The following ANO8 variants were observed in gnomAD, a reference collection of about 807,000 sequenced individuals.
ANO8 encodes anoctamin 8.
ANO8 carries 67 observed loss-of-function variants against 120.4 expected under a neutral mutation model. That is an observed-to-expected ratio of 0.56 (90% CI 0.46 to 0.68). ANO8 has a LOEUF of 0.68. Ranked by LOEUF, ANO8 falls within the 30% of genes least tolerant of loss-of-function variation. ANO8 has a pLI of 0.00. For missense variants in ANO8, 1,526 were observed against 1,737.6 expected (o/e 0.88, Z 2.16); for synonymous variants, 727 against 759.2 (o/e 0.96, Z 0.70).
chr19:17,332,958 G>A lies in ANO8; in HGVS notation c.558C>T (p.Asn186=). ...TTGGCTGGTCCTCCAGGAAGCGCAC[G>A]TTGTGGAGTGCTTCTCCCTGCTTGG... ...LRAKQGEALH[N]VRFLEDQPII... The change falls in exon 5 of 18, where the codon AAC becomes AAT. Residue 186 remains asparagine, a synonymous_variant. Coordinates refer to ENST00000159087, the MANE Select transcript of ANO8 (RefSeq NM_020959.3). The A allele has an allele frequency of 1.2e-6, 2 of 1,614,158 alleles. No homozygotes were observed. The highest frequency in any genetic ancestry group is 1.7e-6 in the Non-Finnish European group (2 of 1,180,038).
In ANO8 at chr19:17,327,312, C is replaced by G. The variant is rs2074279048; in HGVS notation, c.2584G>C (p.Val862Leu). The G allele has an allele frequency of 6.5e-7, 1 of 1,550,018 alleles. No individual in the cohort carries two copies. The highest frequency in any genetic ancestry group is 8.7e-7 in the Non-Finnish European group (1 of 1,146,820). ...CAGCCCGGGATATCGGGGATGGCCA[C>G]GTGGATGAGGTACTTGAGGAGCAGA... Reference protein sequence around the residue: ...FALLLKYLIHVAIPDIPGWVA... With the variant: ...FALLLKYLIHLAIPDIPGWVA... The change falls in exon 16 of 18, where the codon GTG becomes CTG. Residue 862 changes from valine (V) to leucine (L), a missense_variant. Around this residue, in one of 8 missense-constraint regions of ANO8, gnomAD observed 489 missense variants for 548.6 expected, o/e 0.89. Transcript: ENST00000159087.
At chr19:17,325,737 G>A (rs2074269998) in intron 16 of ANO8, among the ~76,000 whole-genome samples, 1 of 152,206 alleles carries the variant, frequency 6.6e-6, no homozygotes, top group Non-Finnish European at 1.5e-5. Flanking sequence ...AGACCAGCCT[G>A]GACAAAATGG....
At chr19:17,329,870 C>A (rs2074303865) in intron 11 of ANO8, 39 bp from the exon 12 acceptor site, 2 of 1,613,346 alleles carry the variant, frequency 1.2e-6, no homozygotes. Context: ...CCTGCACCCC[C>A]ACCCGACTCC....
chr19:17,331,556 TAGA>T (rs2074318345), intron 5 of ANO8, 145 bp from the exon 6 acceptor site: 1 of 686,386 alleles, frequency 1.5e-6, no homozygotes, highest in East Asian at 2.7e-5. Context: ...TCTAGACGGA[TAGA>T]AGATCTGATT....
intron 13 of ANO8, 41 bp downstream of exon 13, chr19:17,328,121 G>GGCGAGGCCTCGCCCCCT: frequency 7.0e-7 from 1 of 1,436,414 alleles, no homozygotes; most frequent in Non-Finnish European, 9.3e-7. Context: ...TCCCGTCCCC[G>GGCGAGGCCTCGCCCCCT]GCGAGGCCCC....
Position 17,330,139 on chromosome 19 carries a change from C to A in ANO8, c.1259G>T (p.Trp420Leu). ...SAEGYKKLAI[W>L]LNDMENYRLE... Reference sequence around the variant, plus strand: ...GCAGGTCGTACCCATGTCATTGAGCCAGATGGCTAGCTTCTTGTAGCCCTC... The same window carrying A: ...GCAGGTCGTACCCATGTCATTGAGCAAGATGGCTAGCTTCTTGTAGCCCTC... The change falls in exon 10 of 18, where the codon TGG (tryptophan) becomes TTG (leucine). Residue 420 changes from tryptophan (W) to leucine (L), a missense_variant. Coordinates refer to ENST00000159087, the MANE Select transcript of ANO8 (RefSeq NM_020959.3). The A allele has an allele frequency of 6.2e-7, 1 of 1,614,092 alleles. No individual in the cohort carries two copies. Among genetic ancestry groups the A allele is most frequent in the South Asian group, 1.1e-5 (1 of 91,080 alleles).
chr19:17,327,833 A>C lies in ANO8; in HGVS notation c.2274T>G (p.Val758=). 2 of 1,614,100 alleles carry C rather than the reference A, an allele frequency of 1.2e-6. No individual in the cohort carries two copies. The highest frequency in any genetic ancestry group is 1.7e-6 in the Non-Finnish European group (2 of 1,179,978). The part of the protein sequence containing the change: ...YQEMFVQFGY[V]VLFSSAFPLA... ...GGGGGAAGGCGGACGAGAAGAGCAC[A>C]ACGTAGCCGAACTGCACGAACATCT... is the stretch of plus-strand genomic sequence containing the variant. Residue 758 remains valine (V), a synonymous_variant, in exon 14 of 18, where the codon GTT becomes GTG. Coordinates refer to ENST00000159087, the MANE Select transcript of ANO8 (RefSeq NM_020959.3).
chr19:17,333,679 G>A lies in ANO8; in HGVS notation c.217+11C>T, dbSNP rs1461304229. ...TGGGCACTGGGCGGGCGGGCGGGCG[G>A]GCTTGGGTACCTGGGAAGGTCATCA... On this transcript the variant is annotated intron_variant, in intron 2 of 17. Coordinates refer to ENST00000159087, the MANE Select transcript of ANO8 (RefSeq NM_020959.3). The surrounding 1 kb of genome is among the most constrained non-coding windows in gnomAD (Gnocchi z 7.2). 7.6e-7 allele frequency: 1 copy of A among 1,314,686 alleles called. No homozygotes were observed. The highest frequency in any genetic ancestry group is 1.0e-6 in the Non-Finnish European group (1 of 958,336). The allele number at this position is 1,314,686 out of a possible 1,614,324, so 81.4% of individuals were successfully genotyped here. A position where few individuals can be genotyped will look rare whatever the true frequency, so the allele number is the denominator to read the frequency against.
Position 17,324,957 on chromosome 19 carries a change from TGAG to T in ANO8, c.3088_3090del (p.Leu1030del). Reference sequence around the variant, plus strand: ...GAGTCCCGCCGGGTCTCGGGTGACTTGAGGAACTTGAAGCTGAGGAAGGCAGGC... The same window carrying T: ...GAGTCCCGCCGGGTCTCGGGTGACTTGAACTTGAAGCTGAGGAAGGCAGGC... On this transcript the variant is annotated inframe_deletion, in exon 17 of 18. Coordinates refer to ENST00000159087, the MANE Select transcript of ANO8 (RefSeq NM_020959.3). The T allele has an allele frequency of 1.9e-6, 3 of 1,613,078 alleles. No individual in the cohort carries two copies. The highest frequency in any genetic ancestry group is 2.5e-6 in the Non-Finnish European group (3 of 1,179,894).
chr19:17,331,925 G>T (rs191018572), intron 5 of ANO8, among the ~76,000 whole-genome samples: 1 of 132,184 alleles, frequency 7.6e-6, no homozygotes, highest in African/African-American at 2.9e-5. Context: ...GAGCCACCGC[G>T]CCCGGCTTTT....
rs2074252333 is a variant in ANO8 at position 17,323,599 on chromosome 19, G to A, written c.3617C>T (p.Ser1206Leu). 1.6e-6 allele frequency: 2 copies of A among 1,266,836 alleles called. No individual in the cohort carries two copies. The highest frequency in any genetic ancestry group is 3.2e-5 in the Admixed American group (1 of 31,226). The allele number at this position is 1,266,836 out of a possible 1,614,324, so 78.5% of individuals were successfully genotyped here. A position where few individuals can be genotyped will look rare whatever the true frequency, so the allele number is the denominator to read the frequency against. Residue 1206 changes from serine (S) to leucine (L), a missense_variant, in exon 18 of 18, where the codon TCG (serine) becomes TTG (leucine). Around this residue, in one of 8 missense-constraint regions of ANO8, gnomAD observed 489 missense variants for 548.6 expected, o/e 0.89. Coordinates refer to ENST00000159087, the MANE Select transcript of ANO8 (RefSeq NM_020959.3). ...GGGCGCTGGGGTCTCGAGGGGATCC[G>A]AGGTGGGCGGTAGCGGTGGGGGCGG... Reference protein sequence around the residue: ...SLPPPPLPPTSDPLETPAPSP... With the variant: ...SLPPPPLPPTLDPLETPAPSP...
In ANO8 at chr19:17,328,183, C is replaced by T. The variant is rs200209917; in HGVS notation, c.2205G>A (p.Glu735=). The change falls in exon 13 of 18, where the codon GAG becomes GAA. Residue 735 remains glutamate (E), a synonymous_variant. Transcript: ENST00000159087. ...TCACCTCGTACTTCTTCATACAGCT[C>T]TCCAGCTCTGCCTGGGTGAGCTGGG... The part of the protein sequence containing the change: ...HSPQLTQAEL[E]SCMKKYEDTF... 1.9e-5 allele frequency: 29 copies of T among 1,563,068 alleles called. No individual in the cohort carries two copies. In the East Asian group the frequency reaches 6.3e-4, roughly 34 times the overall value.
At chr19:17,334,463 A>G in intron 1 of ANO8, 102 bp downstream of exon 1, 2 of 1,092,742 alleles carry the variant, frequency 1.8e-6, no homozygotes, top group South Asian at 1.4e-5. Context: ...TCGTCCAGAC[A>G]CCACGCCAGG....
At chr19:17,334,434 GC>G in intron 1 of ANO8, 130 bp downstream of exon 1, 1 of 840,368 alleles carries the variant, frequency 1.2e-6, no homozygotes, top group South Asian at 1.7e-5. Context: ...CAGCCGCAGT[GC>G]CGGGAGGAGC....
chr19:17,334,532 C>T (rs1000200183), intron 1 of ANO8, 33 bp downstream of exon 1: 5 of 1,504,900 alleles, frequency 3.3e-6, no homozygotes, highest in Admixed American at 3.9e-5. Flanking sequence ...CAGGCACCTG[C>T]AACCCTGTCT....
Position 17,328,667 on chromosome 19 carries a change from C to T in ANO8, c.1721G>A (p.Gly574Glu), listed in dbSNP as rs750523914. The change falls in exon 13 of 18, where the codon GGG (glycine) becomes GAG (glutamate). Residue 574 changes from glycine to glutamate, a missense_variant. Coordinates refer to ENST00000159087, the MANE Select transcript of ANO8 (RefSeq NM_020959.3). ...RRRAGEGGEE[G>E]DGPPGGKEED... ...CTCCTTGCCCCCTGGAGGCCCGTCC[C>T]CCTCCTCCCCGCCTTCCCCCGCCCG... 21 of 1,423,448 alleles carry T rather than the reference C, an allele frequency of 1.5e-5. No homozygotes were observed. The South Asian group carries it at 2.7e-4, about 18-fold the overall frequency. 88.2% of individuals were successfully genotyped at this position (1,423,448 alleles called of 1,614,324 possible).
At chr19:17,326,196 G>C (rs1343495536) in intron 16 of ANO8, among the ~76,000 whole-genome samples, 1 of 152,212 alleles carries the variant, frequency 6.6e-6, no homozygotes. Context: ...GCTTCCCAGA[G>C]AACAGGCAAG....
intron 5 of ANO8, among the ~76,000 whole-genome samples, 194 bp downstream of exon 5, chr19:17,332,736 G>C (rs977042936): frequency 9.9e-5 from 15 of 152,166 alleles, no homozygotes; most frequent in Non-Finnish European, 1.9e-4. Flanking sequence ...TGTCCTCTCA[G>C]AGCTCCACCC....
At chr19:17,327,933 C>T in intron 13 of ANO8, 53 bp from the exon 14 acceptor site, 1 of 1,582,852 alleles carries the variant, frequency 6.3e-7, no homozygotes, top group Non-Finnish European at 8.6e-7. Context: ...GACAATCTTT[C>T]TCCCATTGAG....
Sources: allele counts gnomAD v4.1 joint callset (sites outside exome capture counted in the v4.1 genomes callset), GRCh38; gene constraint gnomAD v4.1.1; regional missense constraint gnomAD v4.1.1; non-coding constraint Gnocchi (gnomAD v3.1); transcripts MANE v1.5; gene names NCBI Gene and HGNC (gene_info 2026-07-23, HGNC 2026-07-21).